The following IFT140 variants were observed in gnomAD, a reference collection of about 807,000 sequenced individuals.
IFT140 encodes the protein intraflagellar transport protein 140 homolog.
IFT140 carries 133 observed loss-of-function variants against 164.6 expected under a neutral mutation model. That is an observed-to-expected ratio of 0.81 (90% CI 0.70 to 0.93). The LOEUF (loss-of-function observed/expected upper bound fraction) is 0.93. Ranked by LOEUF, IFT140 falls within the 40% of genes least tolerant of loss-of-function variation. The pLI is 0.00. For missense variants in IFT140, 2,045 were observed against 1,972.3 expected (o/e 1.04, Z -0.70); for synonymous variants, 860 against 817.3 (o/e 1.05, Z -0.89).
intron 3 of IFT140, among the ~76,000 whole-genome samples, chr16:1,603,126 C>T (rs953700154): frequency 6.6e-6 from 1 of 152,176 alleles, no homozygotes; most frequent in Non-Finnish European, 1.5e-5. Context: ...GCTCAGCTGG[C>T]AACCCCGACC....
In IFT140 at chr16:1,602,520, C is replaced by A. The variant is rs904885371; in HGVS notation, c.219G>T (p.Arg73=). The A allele has an allele frequency of 1.2e-6, 2 of 1,614,160 alleles. No individual in the cohort carries two copies. Among genetic ancestry groups the A allele is most frequent in the Admixed American group, 1.7e-5 (1 of 60,026 alleles). ...RVASLCWHPT[R]LVLAVGWETG... ...TCTCCCAGCCCACAGCCAGCACCAG[C>A]CGCGTCGGGTGCCAGCACAGGGAAG... Residue 73 remains arginine (R), a synonymous_variant, in exon 4 of 31, where the codon CGG becomes CGT. Coordinates refer to ENST00000426508, the MANE Select transcript of IFT140 (RefSeq NM_014714.4).
intron 13 of IFT140, among the ~76,000 whole-genome samples, chr16:1,574,064 T>G (rs2034150595): frequency 1.3e-5 from 2 of 152,252 alleles, no homozygotes; most frequent in Non-Finnish European, 2.9e-5. Context: ...AGACCATACC[T>G]GCACCAATGC....
intron 23 of IFT140, 32 bp downstream of exon 23, chr16:1,524,752 C>A: frequency 6.3e-7 from 1 of 1,588,774 alleles, no homozygotes; most frequent in East Asian, 2.3e-5. Flanking sequence ...TGCCTCGTGT[C>A]CGCCTGGCCG....
At chr16:1,526,904 G>A (rs535594483) in intron 19 of IFT140, 108 bp from the exon 20 acceptor site, 20 of 1,268,060 alleles carry the variant, frequency 1.6e-5, no homozygotes, top group South Asian at 3.0e-5. Flanking sequence ...GCTGCCAAAC[G>A]GGCATGAGGA....
At chr16:1,543,864 G>A (rs760089696) in intron 19 of IFT140, among the ~76,000 whole-genome samples, 6 of 152,234 alleles carry the variant, frequency 3.9e-5, no homozygotes, top group Non-Finnish European at 8.8e-5. Flanking sequence ...CGGAAATGCC[G>A]TGGCTTAAAG....
At chr16:1,541,845 G>A (rs2031672499) in intron 19 of IFT140, 11 of 1,473,418 alleles carry the variant, frequency 7.5e-6, no homozygotes, top group East Asian at 2.5e-5. Context: ...CAGAGACCAC[G>A]AAAGTGGCGT....
intron 4 of IFT140, among the ~76,000 whole-genome samples, chr16:1,600,177 A>G (rs2035718564): frequency 1.4e-5 from 2 of 146,022 alleles, no homozygotes; most frequent in South Asian, 4.5e-4. Flanking sequence ...TCTCTGAAAC[A>G]TGTGCTGTGT....
intron 12 of IFT140, 26 bp from the exon 13 acceptor site, chr16:1,580,876 T>A (rs773290859): frequency 1.3e-6 from 2 of 1,512,388 alleles, no homozygotes; most frequent in Admixed American, 3.3e-5. Context: ...AACATCAGGA[T>A]GGCGGCCGCT....
intron 13 of IFT140, among the ~76,000 whole-genome samples, chr16:1,574,256 T>G (rs903408500): frequency 1.3e-5 from 2 of 152,174 alleles, no homozygotes; most frequent in African/African-American, 4.8e-5. Flanking sequence ...GCCTTTATCC[T>G]GGCTCAGGTA....
intron 4 of IFT140, among the ~76,000 whole-genome samples, chr16:1,601,667 C>A (rs1057042989): frequency 6.6e-6 from 1 of 152,202 alleles, no homozygotes; most frequent in African/African-American, 2.4e-5. Flanking sequence ...AATTTCAAAT[C>A]TCAAGTGAGA....
At position 1,554,167 on chromosome 16, in the gene IFT140, T is replaced by C. The variant is rs1257901175; in HGVS notation, c.2399+3768A>G. 3.9e-6 allele frequency: 5 copies of C among 1,274,602 alleles called. No homozygotes were observed. In the East Asian group the frequency reaches 2.2e-4, roughly 57 times the overall value. 79.0% of individuals were successfully genotyped at this position (1,274,602 alleles called of 1,614,324 possible). A position where few individuals can be genotyped will look rare whatever the true frequency, so the allele number is the denominator to read the frequency against. Reference sequence around the variant, plus strand: ...AGCCAAGGAGCCCTAGACAAGGCCCTGGCCCCATCTCCGCCCTGCCTGAGC... The same window carrying C: ...AGCCAAGGAGCCCTAGACAAGGCCCCGGCCCCATCTCCGCCCTGCCTGAGC... On this transcript the variant is annotated intron_variant, in intron 19 of 30. Transcript: ENST00000426508.
At chr16:1,586,369 C>G in intron 9 of IFT140, 94 bp from the exon 10 acceptor site, 1 of 1,303,152 alleles carries the variant, frequency 7.7e-7, no homozygotes, top group Non-Finnish European at 1.1e-6. Flanking sequence ...TTCAAAGCAT[C>G]AGCCCTCGCC....
chr16:1,536,749 TCG>T (rs974538793), intron 19 of IFT140, among the ~76,000 whole-genome samples: 21 of 152,278 alleles, frequency 1.4e-4, no homozygotes, highest in African/African-American at 4.6e-4. Context: ...CCTGCCTCTC[TCG>T]CCTTCTCCTT....
chr16:1,591,553 C>T (rs779432411), intron 6 of IFT140, among the ~76,000 whole-genome samples: 3 of 152,232 alleles, frequency 2.0e-5, no homozygotes, highest in Non-Finnish European at 4.4e-5. Flanking sequence ...TCAGCCACGC[C>T]AGCAACCCAC....
intron 13 of IFT140, chr16:1,580,380 G>A (rs3743507): frequency 0.25 from 40,999 of 161,334 alleles, 5,870 homozygotes; most frequent in African/African-American, 0.38. Context: ...ACTGGATCAT[G>A]GGGGTGGTTT....
Position 1,526,071 on chromosome 16 carries a change from C to A in IFT140, c.2584G>T (p.Ala862Ser). ...TTGCACTTCCTGTACAGCTGCTCGGCGTCCTCCTGAGGAATGAGGATGGGC... is the reference window on the plus strand; with the variant it reads ...TTGCACTTCCTGTACAGCTGCTCGGAGTCCTCCTGAGGAATGAGGATGGGC... ...LATQLGMLED[A>S]EQLYRKCKRH... The change falls in exon 21 of 31, where the codon GCC becomes TCC. Residue 862 changes from alanine to serine, a missense_variant. Ala to Ser is a moderately conservative substitution (Grantham distance 99). Coordinates refer to ENST00000426508, the MANE Select transcript of IFT140 (RefSeq NM_014714.4). The A allele has an allele frequency of 6.3e-7, 1 of 1,584,754 alleles. No individual in the cohort carries two copies.
At position 1,564,497 on chromosome 16, in the gene IFT140, G is replaced by A. The variant is rs1297755757; in HGVS notation, c.1902-335C>T. 6.6e-6 allele frequency among the ~76,000 whole-genome samples: 1 copy of A among 152,178 alleles called. No homozygotes were observed. Among genetic ancestry groups the A allele is most frequent in the African/African-American group, 2.4e-5 (1 of 41,454 alleles). Reference sequence around the variant, plus strand: ...TCCAGGACCAGCAGGCCAACCTCGAGGTGGGATGGCACCCCCTGCTGGGCG... The same window carrying A: ...TCCAGGACCAGCAGGCCAACCTCGAAGTGGGATGGCACCCCCTGCTGGGCG... On this transcript the variant is annotated intron_variant, in intron 16 of 30. Coordinates refer to ENST00000426508, the MANE Select transcript of IFT140 (RefSeq NM_014714.4). This position sits in a 1 kb window ranked among gnomAD's most constrained non-coding sequence, Gnocchi z 5.5.
intron 3 of IFT140, among the ~76,000 whole-genome samples, chr16:1,606,802 C>T (rs948850224): frequency 4.6e-5 from 7 of 151,978 alleles, no homozygotes; most frequent in East Asian, 1.9e-4. Flanking sequence ...GAGTAGAGTT[C>T]GTTTGAAAAT....
intron 12 of IFT140, among the ~76,000 whole-genome samples, chr16:1,581,055 C>A (rs141046101): frequency 6.6e-6 from 1 of 152,168 alleles, no homozygotes; most frequent in South Asian, 2.1e-4. Flanking sequence ...AGTGGCAGTG[C>A]GTGCGGGTCC....
Sources: gnomAD v4.1 joint callset for allele counts (sites outside exome capture counted in the v4.1 genomes callset) on GRCh38, gnomAD v4.1.1 for gene constraint, Gnocchi (gnomAD v3.1) non-coding constraint, MANE v1.5 for transcripts, NCBI Gene and HGNC (gene_info 2026-07-23, HGNC 2026-07-21) for gene names.